TEX11: variants seen among roughly 807,000 people sequenced by gnomAD.
TEX11 encodes the protein testis-expressed protein 11.
Under a neutral mutation model 84.4 loss-of-function variants are expected in TEX11, and 7 were observed. That is an observed-to-expected ratio of 0.08 (90% CI 0.05 to 0.16). TEX11 has a LOEUF of 0.16. TEX11 is among the 10% of genes least tolerant of loss of function. The probability of loss-of-function intolerance (pLI) is 1.00; values close to 1 mark genes in which losing one functional copy is unlikely to be tolerated. For synonymous variants in TEX11, 264 were observed against 222.8 expected (o/e 1.18, Z -1.64); for missense variants, 551 against 660.5 (o/e 0.83, Z 1.82).
At chrX:70,818,101 C>A (rs188351415) in intron 8 of TEX11, among the ~76,000 whole-genome samples, 1 of 111,295 alleles carries the variant, frequency 9.0e-6, no homozygotes, top group East Asian at 2.8e-4. Context: ...CCAGCCAGGG[C>A]AACATGGCGA....
intron 11 of TEX11, among the ~76,000 whole-genome samples, chrX:70,735,937 C>T (rs1466345383): frequency 1.8e-5 from 2 of 111,531 alleles, no homozygotes; most frequent in Admixed American, 1.9e-4. Flanking sequence ...CCTTTGCCTC[C>T]TTAGCCCATT....
chrX:70,899,845 T>TA (rs746225121), intron 2 of TEX11, among the ~76,000 whole-genome samples: 8,112 of 30,600 alleles, frequency 0.27, 1,616 homozygotes, highest in East Asian at 0.45. Context: ...GGTCCTGTAT[T>TA]AAAAAAAAAA....
chrX:70,523,716 G>A, the TEX11 span, among the ~76,000 whole-genome samples: 4 of 108,401 alleles, frequency 3.7e-5, no homozygotes, highest in Admixed American at 1.0e-4. Context: ...TGCCCGCCTC[G>A]GCCTCCCAAA....
chrX:70,812,797 C>T (rs1169246945), intron 8 of TEX11, among the ~76,000 whole-genome samples: 2 of 111,519 alleles, frequency 1.8e-5, no homozygotes, highest in East Asian at 5.6e-4. Context: ...TACAAACTAC[C>T]ATCAGAGAAT....
intron 25 of TEX11, among the ~76,000 whole-genome samples, chrX:70,563,770 A>C (rs2088410599): frequency 1.8e-5 from 2 of 112,518 alleles, no homozygotes; most frequent in Non-Finnish European, 1.9e-5. Flanking sequence ...TTCTGCATCT[A>C]TTGAGATTAT....
At chrX:70,613,470 C>T (rs189006643) in intron 20 of TEX11, among the ~76,000 whole-genome samples, 4 of 112,126 alleles carry the variant, frequency 3.6e-5, no homozygotes, top group African/African-American at 1.3e-4. Flanking sequence ...CTGGGCTAAA[C>T]ACAGCCAACT....
intron 4 of TEX11, among the ~76,000 whole-genome samples, chrX:70,864,512 C>T (rs980763339): frequency 5.5e-5 from 6 of 108,404 alleles, no homozygotes; most frequent in South Asian, 4.1e-4. Flanking sequence ...CCGAGGTGGG[C>T]GGATCACAAG....
At chrX:70,843,858 A>G (rs1284389168) in intron 7 of TEX11, among the ~76,000 whole-genome samples, 1 of 112,156 alleles carries the variant, frequency 8.9e-6, no homozygotes, top group Non-Finnish European at 1.9e-5. Context: ...AACACATGAA[A>G]AAATGCTCAT....
chrX:70,713,426 T>A (rs1262558400), intron 13 of TEX11, among the ~76,000 whole-genome samples: 2 of 111,831 alleles, frequency 1.8e-5, no homozygotes, highest in Non-Finnish European at 3.8e-5. Context: ...GGTCCTGGAC[T>A]TTTTTTGGTT....
intron 25 of TEX11, among the ~76,000 whole-genome samples, chrX:70,567,424 A>G (rs1431072731): frequency 2.7e-5 from 3 of 110,591 alleles, no homozygotes; most frequent in Non-Finnish European, 3.8e-5. Flanking sequence ...CTCTGATTTT[A>G]GTTATTTCTT....
At chrX:70,542,304 C>T (rs73538750) in intron 28 of TEX11, among the ~76,000 whole-genome samples, 9,560 of 110,574 alleles carry the variant, frequency 0.086, 770 homozygotes, top group African/African-American at 0.25. Context: ...GGAAGCAGAC[C>T]CTCACTGGAC....
At chrX:70,774,619 G>C (rs191324760) in intron 9 of TEX11, among the ~76,000 whole-genome samples, 1 of 111,137 alleles carries the variant, frequency 9.0e-6, no homozygotes, top group African/African-American at 3.3e-5. Flanking sequence ...ATTTAAAACA[G>C]CTACAAAAAA....
intron 9 of TEX11, among the ~76,000 whole-genome samples, chrX:70,801,288 A>G (rs781573197): frequency 1.2e-4 from 14 of 112,238 alleles, no homozygotes; most frequent in African/African-American, 4.5e-4. Context: ...GGCAGCAACA[A>G]AAGCAGTAAA....
In TEX11 at chrX:70,775,890, A is replaced by T. The variant is rs2090998828; in HGVS notation, c.692+30815T>A. Among the ~76,000 whole-genome samples the T allele has an allele frequency of 2.7e-5, 3 of 109,109 alleles. No individual in the cohort carries two copies. The Admixed American group carries it at 3.0e-4, about 11-fold the overall frequency. The allele number at this position is 109,109 out of a possible 115,157, so 94.7% of individuals were successfully genotyped here. A position where few individuals can be genotyped will look rare whatever the true frequency, so the allele number is the denominator to read the frequency against. Reference sequence around the variant, plus strand: ...GAGGGAAATGCAAATCAAAACCACAATGCAATATCATCTTACCCCACCCAG... The same window carrying T: ...GAGGGAAATGCAAATCAAAACCACATTGCAATATCATCTTACCCCACCCAG... On this transcript the variant is annotated intron_variant, in intron 9 of 29. Coordinates refer to ENST00000374333, the MANE Select transcript of TEX11 (RefSeq NM_031276.3).
chrX:70,670,330 G>A, intron 16 of TEX11, 47 bp downstream of exon 16: 1 of 1,180,236 alleles, frequency 8.5e-7, no homozygotes, highest in African/African-American at 1.8e-5. Flanking sequence ...CTCTGCCACT[G>A]CACATAAGAA....
intron 8 of TEX11, among the ~76,000 whole-genome samples, chrX:70,813,141 C>CA (rs199602087): frequency 0.072 from 7,970 of 109,998 alleles, 251 homozygotes; most frequent in East Asian, 0.12. Flanking sequence ...AGAGACACAA[C>CA]AAAAAAAAGA....
intron 28 of TEX11, among the ~76,000 whole-genome samples, chrX:70,531,815 T>A (rs375092781): frequency 8.9e-6 from 1 of 111,756 alleles, no homozygotes; most frequent in Admixed American, 9.5e-5. Context: ...GAACTAAATC[T>A]CAATTAAAAA....
intron 7 of TEX11, among the ~76,000 whole-genome samples, chrX:70,840,842 A>C (rs759316374): frequency 2.7e-5 from 3 of 111,558 alleles, no homozygotes; most frequent in African/African-American, 6.5e-5. Context: ...AGTCTCTGCT[A>C]AAACAGACTT....
chrX:70,850,661 A>G (rs1472064772), intron 7 of TEX11, among the ~76,000 whole-genome samples: 2 of 110,179 alleles, frequency 1.8e-5, no homozygotes, highest in Non-Finnish European at 3.8e-5. Flanking sequence ...AGGTTGAGGG[A>G]GGAGGATCCC....
Sources: allele counts gnomAD v4.1 joint callset (sites outside exome capture counted in the v4.1 genomes callset), GRCh38; gene constraint gnomAD v4.1.1; transcripts MANE v1.5; gene names NCBI Gene and HGNC (gene_info 2026-07-23, HGNC 2026-07-21).